DDX23: variants seen among roughly 807,000 people sequenced by gnomAD.
The protein encoded by DDX23 is probable ATP-dependent RNA helicase DDX23.
Under a neutral mutation model 102.7 loss-of-function variants are expected in DDX23, and 33 were observed. The observed-to-expected ratio is 0.32, with a 90% CI of 0.24 to 0.43. The LOEUF (loss-of-function observed/expected upper bound fraction) is 0.43. Among genes scored for constraint, DDX23 ranks in the 20% least tolerant of loss-of-function variants. The probability of loss-of-function intolerance (pLI) is 1.00; values close to 1 mark genes in which losing one functional copy is unlikely to be tolerated. For missense variants in DDX23, 549 were observed against 1,086.6 expected (o/e 0.51, Z 6.96); for synonymous variants, 352 against 376.0 (o/e 0.94, Z 0.74).
At chr12:48,845,907 A>T in intron 1 of DDX23, 125 bp from the exon 2 acceptor site, 1 of 1,023,718 alleles carries the variant, frequency 9.8e-7, no homozygotes, top group Non-Finnish European at 1.4e-6. Flanking sequence ...CGTACAGATG[A>T]GAACGGTGGA....
intron 2 of DDX23, among the ~76,000 whole-genome samples, chr12:48,844,816 C>A (rs1405379297): frequency 9.3e-5 from 14 of 151,120 alleles, no homozygotes; most frequent in Non-Finnish European, 7.4e-5. Context: ...AAACTGAAAA[C>A]ACCTGCAGGT....
intron 3 of DDX23, among the ~76,000 whole-genome samples, chr12:48,842,344 A>G (rs1322589418): frequency 9.3e-6 from 1 of 107,180 alleles, no homozygotes; most frequent in African/African-American, 3.6e-5. Flanking sequence ...GGCCGCCCCT[A>G]CTGGGAAGTG....
Position 48,832,354 on chromosome 12 carries a change from G to A in DDX23, c.1955+68C>T. On this transcript the variant is annotated intron_variant, in intron 14 of 16. Transcript: ENST00000308025. The surrounding 1 kb of genome is among the most constrained non-coding windows in gnomAD (Gnocchi z 4.4). ...AGAGCAATTGCCCTGCCCTGCACCT[G>A]CACTAAAAAAGTTCTCAGAGCCATT... 2 of 1,585,944 alleles carry A rather than the reference G, an allele frequency of 1.3e-6. No individual in the cohort carries two copies. Among genetic ancestry groups the A allele is most frequent in the Non-Finnish European group, 8.6e-7 (1 of 1,161,114 alleles).
intron 2 of DDX23, among the ~76,000 whole-genome samples, chr12:48,845,120 C>G (rs898644348): frequency 1.3e-5 from 2 of 148,628 alleles, no homozygotes; most frequent in African/African-American, 5.0e-5. Flanking sequence ...CCATTGCACT[C>G]CAGCCTGGGA....
chr12:48,832,029 G>A lies in DDX23; in HGVS notation c.2064+49C>T. 6.4e-7 allele frequency: 1 copy of A among 1,556,818 alleles called. No homozygotes were observed. Among genetic ancestry groups the A allele is most frequent in the Non-Finnish European group, 8.9e-7 (1 of 1,129,348 alleles). Reference sequence around the variant, plus strand: ...AGCCTAGGGGGCCCTGCTAGATTCAGAAAGCAGTGCCACAGAGGCTAGACT... The same window carrying A: ...AGCCTAGGGGGCCCTGCTAGATTCAAAAAGCAGTGCCACAGAGGCTAGACT... On this transcript the variant is annotated intron_variant, in intron 15 of 16. Transcript: ENST00000308025. This position sits in a 1 kb window ranked among gnomAD's most constrained non-coding sequence, Gnocchi z 4.4.
intron 1 of DDX23, among the ~76,000 whole-genome samples, chr12:48,848,469 T>C (rs984870806): frequency 1.3e-5 from 2 of 152,170 alleles, no homozygotes; most frequent in Admixed American, 1.3e-4. Flanking sequence ...GAAGTTTTAG[T>C]TGACATTTAA....
At position 48,844,012 on chromosome 12, in the gene DDX23, C is replaced by T. The variant is rs750787590; in HGVS notation, c.248G>A (p.Arg83Gln). The T allele has an allele frequency of 3.1e-6, 5 of 1,614,106 alleles. No individual in the cohort carries two copies. The highest frequency in any genetic ancestry group is 1.1e-5 in the South Asian group (1 of 91,078). ...ATCTCGGTCCTTCTTATTCCGATCC[C>T]GCTCCTTATCTCGTTCTCGTTCTTT... ...RHKERERDKE[R>Q]DRNKKDRDRD... Residue 83 changes from arginine to glutamine, a missense_variant, in exon 3 of 17, where the codon CGG (arginine) becomes CAG (glutamine). Transcript: ENST00000308025.
At chr12:48,831,105 T>C (rs1270985619) in intron 16 of DDX23, 37 bp downstream of exon 16, 2 of 1,611,944 alleles carry the variant, frequency 1.2e-6, no homozygotes, top group African/African-American at 2.7e-5. Flanking sequence ...GGAATCTGAC[T>C]TCACCCTGGA....
At chr12:48,844,633 CTT>C (rs1175228707) in intron 2 of DDX23, among the ~76,000 whole-genome samples, 3 of 141,394 alleles carry the variant, frequency 2.1e-5, no homozygotes, top group Non-Finnish European at 3.1e-5. Context: ...TCCCTCTCAA[CTT>C]TTTTTTTTTT....
At chr12:48,845,324 G>A (rs921129529) in intron 2 of DDX23, among the ~76,000 whole-genome samples, 10 of 151,760 alleles carry the variant, frequency 6.6e-5, no homozygotes, top group Admixed American at 1.3e-4. Flanking sequence ...GGTGTCGGGC[G>A]CCTGTAGTCC....
intron 3 of DDX23, among the ~76,000 whole-genome samples, chr12:48,842,213 A>C (rs1404946345): frequency 1.5e-5 from 2 of 134,350 alleles, no homozygotes; most frequent in Non-Finnish European, 3.2e-5. Flanking sequence ...CGCCCCGTCC[A>C]GGAGGGAGGT....
In DDX23 at chr12:48,844,053, G is replaced by A; in HGVS notation, c.210-3C>T. On this transcript the variant is annotated splice_polypyrimidine_tract_variant and splice_region_variant and intron_variant, in intron 2 of 16. Transcript: ENST00000308025. ...CTCGTTCTTTGTGCCGTCGTTCTCT[G>A]GAAGACCGCAAATTTAAGAGTTCAC... 6.2e-7 allele frequency: 1 copy of A among 1,613,894 alleles called. No individual in the cohort carries two copies. The highest frequency in any genetic ancestry group is 1.1e-5 in the South Asian group (1 of 91,074).
intron 3 of DDX23, among the ~76,000 whole-genome samples, chr12:48,841,913 A>C (rs1445010010): frequency 8.2e-3 from 975 of 118,366 alleles, no homozygotes; most frequent in South Asian, 0.011. Context: ...CGTCTCTGCC[A>C]GGCCGCCCAT....
chr12:48,837,237 T>C, intron 8 of DDX23, 44 bp downstream of exon 8: 4 of 1,595,482 alleles, frequency 2.5e-6, no homozygotes, highest in Non-Finnish European at 3.4e-6. Context: ...TCTCTAGGAC[T>C]GCCTAGTGGA....
intron 6 of DDX23, 30 bp downstream of exon 6, chr12:48,837,911 TC>T (rs1565676657): frequency 1.2e-6 from 2 of 1,611,948 alleles, no homozygotes; most frequent in Non-Finnish European, 1.7e-6. Flanking sequence ...TCCTCTTCCA[TC>T]TAGGGGCTAC....
At chr12:48,837,817 C>T in intron 6 of DDX23, 125 bp downstream of exon 6, 1 of 1,535,908 alleles carries the variant, frequency 6.5e-7, no homozygotes. Flanking sequence ...TTCTCATAAA[C>T]TCCCACCATC....
intron 5 of DDX23, 110 bp from the exon 6 acceptor site, chr12:48,838,190 T>C: frequency 6.6e-7 from 1 of 1,511,962 alleles, no homozygotes; most frequent in Non-Finnish European, 8.9e-7. Flanking sequence ...GCATTAAGCC[T>C]GTTGAGGAAA....
chr12:48,842,305 T>C (rs1168958481), intron 3 of DDX23, among the ~76,000 whole-genome samples: 682 of 49,464 alleles, frequency 0.014, no homozygotes, highest in Middle Eastern at 0.029. Flanking sequence ...CCAGCCGCCC[T>C]GTCCGGGAGG....
intron 1 of DDX23, among the ~76,000 whole-genome samples, chr12:48,847,875 A>C (rs1435201703): frequency 2.6e-5 from 4 of 152,238 alleles, no homozygotes; most frequent in Non-Finnish European, 5.9e-5. Flanking sequence ...ATCCCAAAGG[A>C]AGGCTATTTT....
Sources: gnomAD v4.1 joint callset for allele counts (sites outside exome capture counted in the v4.1 genomes callset) on GRCh38, gnomAD v4.1.1 for gene constraint, Gnocchi (gnomAD v3.1) non-coding constraint, MANE v1.5 for transcripts, NCBI Gene and HGNC (gene_info 2026-07-23, HGNC 2026-07-21) for gene names.